The following HIVEP3 variants were observed in gnomAD, a reference collection of about 807,000 sequenced individuals.
The protein encoded by HIVEP3 is transcription factor HIVEP3.
In HIVEP3, 49 loss-of-function variants were observed where a neutral mutation model predicts 152.8. That is an observed-to-expected ratio of 0.32 (90% CI 0.26 to 0.41). HIVEP3 has a LOEUF of 0.41. Ranked by LOEUF, HIVEP3 falls within the 10% of genes least tolerant of loss-of-function variation. The pLI, the probability that HIVEP3 is intolerant of heterozygous loss-of-function variation, is 1.00. For missense variants in HIVEP3, 2,790 were observed against 3,103.3 expected, an observed-to-expected ratio of 0.90 and a Z score of 2.40; for synonymous variants, 1,269 against 1,289.0, an observed-to-expected ratio of 0.98 and a Z score of 0.33.
intron 1 of HIVEP3, among the ~76,000 whole-genome samples, chr1:42,021,479 G>C (rs186498661): frequency 2.0e-5 from 3 of 152,216 alleles, no homozygotes; most frequent in Admixed American, 6.5e-5. Context: ...GGGTAAGGGG[G>C]GGTTGGGAGT....
Position 41,840,665 on chromosome 1 carries a change from G to T in HIVEP3, c.-801+77748C>A, listed in dbSNP as rs528006838. On this transcript the variant is annotated intron_variant, in intron 1 of 8. Transcript: ENST00000372583. Reference sequence around the variant, plus strand: ...CATCCAACTCTCTCCCTCAAAGACAGCCAGGACCTTCAAATCCCTTGGATA... The same window carrying T: ...CATCCAACTCTCTCCCTCAAAGACATCCAGGACCTTCAAATCCCTTGGATA... 2.0e-5 allele frequency among the ~76,000 whole-genome samples: 3 copies of T among 152,276 alleles called. No individual in the cohort carries two copies. In the South Asian group the frequency reaches 6.2e-4, roughly 32 times the overall value.
intron 2 of HIVEP3, among the ~76,000 whole-genome samples, chr1:41,630,895 C>A (rs940035136): frequency 2.0e-5 from 3 of 152,110 alleles, no homozygotes; most frequent in African/African-American, 7.2e-5. Context: ...GCATGGGTGG[C>A]AATGAAATAC....
In HIVEP3 at chr1:41,679,685, A is replaced by T. The variant is rs77386373; in HGVS notation, c.-721+21231T>A. ...TCTCCCAAGCTCTGCTTGGCTCCAG[A>T]CTCTCAGCTCAGTGCCTGAAGGCTC... On this transcript the variant is annotated intron_variant, in intron 2 of 8. Transcript: ENST00000372583. Among the ~76,000 whole-genome samples the T allele has an allele frequency of 3.8e-3, 579 of 151,890 alleles. 2 individuals carry two copies. The highest frequency in any genetic ancestry group is 0.013 in the African/African-American group (538 of 41,406).
intron 1 of HIVEP3, among the ~76,000 whole-genome samples, chr1:42,032,667 C>T (rs540630821): frequency 2.6e-5 from 4 of 152,232 alleles, no homozygotes; most frequent in African/African-American, 7.2e-5. Context: ...CACCATTCCC[C>T]TGGGAATGTC....
At position 41,575,706 on chromosome 1, in the gene HIVEP3, A is replaced by C; in HGVS notation, c.5062-17T>G. ...GAGGTGAACCTGGCCCACCGCAGGA[A>C]TGACAAAATCATTGCTGGTTAAAAG... On this transcript the variant is annotated splice_polypyrimidine_tract_variant and intron_variant, in intron 4 of 8. Transcript: ENST00000372583. The C allele has an allele frequency of 6.2e-7, 1 of 1,613,036 alleles. No individual in the cohort carries two copies. Among genetic ancestry groups the C allele is most frequent in the Non-Finnish European group, 8.5e-7 (1 of 1,179,292 alleles).
chr1:41,513,785 T>G, intron 7 of HIVEP3, 35 bp from the exon 8 acceptor site: 1 of 1,495,850 alleles, frequency 6.7e-7, no homozygotes. Context: ...AGGTCACAGT[T>G]GGGCCTTGGC....
intron 1 of HIVEP3, among the ~76,000 whole-genome samples, chr1:41,754,494 G>A (rs561384637): frequency 5.9e-5 from 9 of 152,316 alleles, no homozygotes; most frequent in African/African-American, 1.7e-4. Context: ...TTGAAAATAC[G>A]TTTGGGCTTT....
Position 41,583,661 on chromosome 1 carries a change from C to T in HIVEP3, c.1137G>A (p.Ala379=), listed in dbSNP as rs1033430459. The T allele has an allele frequency of 9.3e-6, 15 of 1,614,040 alleles. No homozygotes were observed. Among genetic ancestry groups the T allele is most frequent in the Middle Eastern group, 1.6e-4 (1 of 6,084 alleles). ...SERKKVIDEQ[A]FLSPGSKGST... ...TCCCTTTGCTGCCTGGGCTCAGAAACGCCTGCTCATCGATCACCTTCTTCC... is the reference window on the plus strand; with the variant it reads ...TCCCTTTGCTGCCTGGGCTCAGAAATGCCTGCTCATCGATCACCTTCTTCC... Residue 379 remains alanine, a synonymous_variant, in exon 4 of 9, where the codon GCG becomes GCA. Transcript: ENST00000372583. The surrounding 1 kb of genome is among the most constrained non-coding windows in gnomAD (Gnocchi z 6.9).
intron 1 of HIVEP3, among the ~76,000 whole-genome samples, chr1:41,752,936 T>C (rs1165786218): frequency 6.6e-6 from 1 of 152,262 alleles, no homozygotes; most frequent in African/African-American, 2.4e-5. Flanking sequence ...TGAGTCTGGC[T>C]ACTAGCCTGG....
At chr1:41,771,954 C>A (rs776499108) in intron 1 of HIVEP3, among the ~76,000 whole-genome samples, 1 of 152,144 alleles carries the variant, frequency 6.6e-6, no homozygotes, top group Non-Finnish European at 1.5e-5. Flanking sequence ...CGTGAGCCAC[C>A]GCACCCAGTC....
chr1:41,807,927 G>A (rs1274377090), intron 1 of HIVEP3, among the ~76,000 whole-genome samples: 3 of 152,112 alleles, frequency 2.0e-5, no homozygotes, highest in Non-Finnish European at 4.4e-5. Context: ...CCAAGGAGGA[G>A]GCTGTGAAGG....
rs1357462108 is a variant in HIVEP3, at chr1:41,509,602, C to T, written c.*849G>A. On this transcript the variant is annotated 3_prime_UTR_variant, in exon 9 of 9. Transcript: ENST00000372583. ...GAGCCAGGGACGGACAGTCAGGGCT[C>T]CTTCCCCAGCCCAGGGGGCCAGGGT... 1 of 152,042 alleles carries T rather than the reference C, an allele frequency of 6.6e-6. No homozygotes were observed. The highest frequency in any genetic ancestry group is 1.5e-5 in the Non-Finnish European group (1 of 68,032). 9.4% of individuals were successfully genotyped at this position (152,042 alleles called of 1,614,324 possible).
intron 5 of HIVEP3, among the ~76,000 whole-genome samples, chr1:41,565,765 C>G (rs1644153161): frequency 6.6e-6 from 1 of 152,028 alleles, no homozygotes; most frequent in South Asian, 2.1e-4. Flanking sequence ...CTACCAGGGG[C>G]TGCCCGAGAC....
intron 1 of HIVEP3, among the ~76,000 whole-genome samples, chr1:41,859,407 A>C (rs985799667): frequency 1.3e-5 from 2 of 152,214 alleles, no homozygotes; most frequent in African/African-American, 4.8e-5. Flanking sequence ...AAGTAATGTC[A>C]TGTCTTCAAT....
intron 1 of HIVEP3, among the ~76,000 whole-genome samples, chr1:41,720,490 T>C (rs892461938): frequency 1.1e-4 from 16 of 152,346 alleles, no homozygotes; most frequent in African/African-American, 3.8e-4. Context: ...GCCTATTATG[T>C]GTGATTCCTA....
At chr1:41,604,036 T>G (rs1644783141) in intron 3 of HIVEP3, among the ~76,000 whole-genome samples, 1 of 152,260 alleles carries the variant, frequency 6.6e-6, no homozygotes, top group South Asian at 2.1e-4. Flanking sequence ...TGACGCCAAG[T>G]GTTGGCAAGG....
At chr1:41,890,427 G>C (rs1439888752) in intron 1 of HIVEP3, among the ~76,000 whole-genome samples, 1 of 152,196 alleles carries the variant, frequency 6.6e-6, no homozygotes, top group African/African-American at 2.4e-5. Flanking sequence ...ACTGGGTTGA[G>C]TTCTGAAGAG....
intron 1 of HIVEP3, among the ~76,000 whole-genome samples, chr1:41,732,278 G>A (rs990892691): frequency 6.6e-6 from 1 of 152,182 alleles, no homozygotes; most frequent in African/African-American, 2.4e-5. Context: ...CCCTGAGACA[G>A]CTACTATTAT....
chr1:41,905,064 T>C (rs551788382), intron 1 of HIVEP3, among the ~76,000 whole-genome samples: 1 of 152,324 alleles, frequency 6.6e-6, no homozygotes, highest in African/African-American at 2.4e-5. Context: ...ATGAAGATTT[T>C]TGTGAACTAG....
Sources: allele counts gnomAD v4.1 joint callset (sites outside exome capture counted in the v4.1 genomes callset), GRCh38; gene constraint gnomAD v4.1.1; non-coding constraint Gnocchi (gnomAD v3.1); transcripts MANE v1.5; gene names NCBI Gene and HGNC (gene_info 2026-07-23, HGNC 2026-07-21).